The following C1GALT1 variants were observed in gnomAD, a reference collection of about 807,000 sequenced individuals.
The protein encoded by C1GALT1 is core 1 synthase, glycoprotein-N-acetylgalactosamine 3-beta-galactosyltransferase 1, also known as glycoprotein-N-acetylgalactosamine 3-beta-galactosyltransferase 1.
C1GALT1 carries 11 observed loss-of-function variants against 31.0 expected under a neutral mutation model. The ratio of observed to expected loss-of-function variants is 0.36; its 90% CI spans 0.22 to 0.59. C1GALT1 has a LOEUF of 0.59. Ranked by LOEUF, C1GALT1 falls within the 20% of genes least tolerant of loss-of-function variation. C1GALT1 has a pLI of 0.79. For synonymous variants in C1GALT1, 175 were observed against 143.6 expected (o/e 1.22, Z -1.56); for missense variants, 424 against 425.2 (o/e 1.00, Z 0.03).
rs1255646882 is a variant in C1GALT1 at position 7,247,515 on chromosome 7, G to A, written c.*3788G>A. The A allele has an allele frequency of 6.6e-6, 1 of 152,084 alleles. No homozygotes were observed. Among genetic ancestry groups the A allele is most frequent in the Admixed American group, 6.5e-5 (1 of 15,282 alleles). 9.4% of individuals were successfully genotyped at this position (152,084 alleles called of 1,614,324 possible). On this transcript the variant is annotated 3_prime_UTR_variant, in exon 4 of 4. Coordinates refer to ENST00000436587, the MANE Select transcript of C1GALT1 (RefSeq NM_020156.5). ...TTTTTGAATACAGAATTGGATTTGAGCAGTAAATTTGCTAACTGGTTATTT... is the reference window on the plus strand; with the variant it reads ...TTTTTGAATACAGAATTGGATTTGAACAGTAAATTTGCTAACTGGTTATTT...
chr7:7,238,674 G>T lies in C1GALT1; in HGVS notation c.640G>T (p.Val214Leu). 1 of 1,614,094 alleles carries T rather than the reference G, an allele frequency of 6.2e-7. No individual in the cohort carries two copies. The highest frequency in any genetic ancestry group is 8.5e-7 in the Non-Finnish European group (1 of 1,179,960). The change falls in exon 3 of 4, where the codon GTA (valine) becomes TTA (leucine). Residue 214 changes from valine (V) to leucine (L), a missense_variant. Physicochemically the swap from Val to Leu is conservative, Grantham distance 32. Coordinates refer to ENST00000436587, the MANE Select transcript of C1GALT1 (RefSeq NM_020156.5). This position sits in a 1 kb window ranked among gnomAD's most constrained non-coding sequence, Gnocchi z 5.2. ...QGYMSGGAGY[V>L]LSKEALKRFV... Reference sequence around the variant, plus strand: ...CTACATGAGTGGAGGAGCAGGATATGTACTAAGCAAAGAAGCCTTGAAAAG... The same window carrying T: ...CTACATGAGTGGAGGAGCAGGATATTTACTAAGCAAAGAAGCCTTGAAAAG...
chr7:7,221,851 C>T (rs992626446), intron 1 of C1GALT1, among the ~76,000 whole-genome samples: 17 of 152,310 alleles, frequency 1.1e-4, no homozygotes, highest in Non-Finnish European at 1.9e-4. Flanking sequence ...CTCACCATGC[C>T]AGAGCCTGTT....
chr7:7,209,984 C>T (rs909741102), intron 1 of C1GALT1, among the ~76,000 whole-genome samples: 8 of 152,004 alleles, frequency 5.3e-5, no homozygotes, highest in Non-Finnish European at 1.2e-4. Flanking sequence ...AGCTTTTGAG[C>T]CAGGATGAGC....
chr7:7,231,092 T>G (rs1783052611), intron 1 of C1GALT1, among the ~76,000 whole-genome samples: 1 of 152,192 alleles, frequency 6.6e-6, no homozygotes, highest in African/African-American at 2.4e-5. Flanking sequence ...TGAACATGTT[T>G]TTAAGGCTCA....
Position 7,234,477 on chromosome 7 carries a change from A to T in C1GALT1, c.158A>T (p.Asp53Val). The T allele has an allele frequency of 6.2e-7, 1 of 1,613,982 alleles. No homozygotes were observed. The highest frequency in any genetic ancestry group is 1.1e-5 in the South Asian group (1 of 91,076). The change falls in exon 2 of 4, where the codon GAT becomes GTT. Residue 53 changes from aspartate to valine, a missense_variant. Asp to Val is a radical substitution (Grantham distance 152, BLOSUM62 -3). Transcript: ENST00000436587. ...GATCCTCATGCAAGGCATTCAGATG[A>T]TAATGGACAGAATCATCTAGAAGGA... ...HNDPHARHSD[D>V]NGQNHLEGQM...
At position 7,211,208 on chromosome 7, in the gene C1GALT1, A is replaced by G. The variant is rs193252949; in HGVS notation, c.-17-23095A>G. On this transcript the variant is annotated intron_variant, in intron 1 of 3. Transcript: ENST00000436587. ...TTGAGTATACAGGGCCCAGATATCA[A>G]TACAAGACATATAAACAAGAGAAGG... Among the ~76,000 whole-genome samples, 337 of 152,344 alleles carry G rather than the reference A, an allele frequency of 2.2e-3. 2 individuals are homozygous for G. In the Middle Eastern group the frequency reaches 0.027, roughly 12 times the overall value.
chr7:7,209,717 T>A lies in C1GALT1; in HGVS notation c.-17-24586T>A, dbSNP rs560816723. 7.2e-5 allele frequency among the ~76,000 whole-genome samples: 11 copies of A among 152,226 alleles called. No individual in the cohort carries two copies. The South Asian group carries it at 2.1e-3, about 29-fold the overall frequency. ...AGTATAATTTTCTCCCAACCTTGGG[T>A]ATTGTAGAACCTTTCACTCACGTCC... is the stretch of plus-strand genomic sequence containing the variant. On this transcript the variant is annotated intron_variant, in intron 1 of 3. Coordinates refer to ENST00000436587, the MANE Select transcript of C1GALT1 (RefSeq NM_020156.5).
intron 2 of C1GALT1, among the ~76,000 whole-genome samples, chr7:7,236,826 G>T (rs1783379121): frequency 6.6e-6 from 1 of 152,072 alleles, no homozygotes; most frequent in Non-Finnish European, 1.5e-5. Context: ...GCCCAGCTGG[G>T]ACATGAGAAT....
chr7:7,219,849 G>A (rs1022594303), intron 1 of C1GALT1, among the ~76,000 whole-genome samples: 1 of 151,878 alleles, frequency 6.6e-6, no homozygotes, highest in Non-Finnish European at 1.5e-5. Flanking sequence ...TGAAATTGTT[G>A]TATATAAAAT....
At chr7:7,187,657 T>C (rs932120189) in intron 1 of C1GALT1, among the ~76,000 whole-genome samples, 11 of 152,294 alleles carry the variant, frequency 7.2e-5, no homozygotes, top group African/African-American at 1.9e-4. Flanking sequence ...GTTATCCAGC[T>C]CTTAATGTCA....
At chr7:7,202,930 A>C (rs1293800698) in intron 1 of C1GALT1, among the ~76,000 whole-genome samples, 1 of 152,078 alleles carries the variant, frequency 6.6e-6, no homozygotes, top group Non-Finnish European at 1.5e-5. Flanking sequence ...TGTCGTACAG[A>C]TCTTTCACTG....
At chr7:7,243,052 T>C (rs1196073552) in intron 3 of C1GALT1, among the ~76,000 whole-genome samples, 2 of 152,076 alleles carry the variant, frequency 1.3e-5, no homozygotes, top group African/African-American at 4.8e-5. Flanking sequence ...TTGATACATA[T>C]ATAGATGAAG....
intron 1 of C1GALT1, among the ~76,000 whole-genome samples, chr7:7,194,631 T>G (rs1346188848): frequency 6.6e-6 from 1 of 151,034 alleles, no homozygotes; most frequent in Non-Finnish European, 1.5e-5. Flanking sequence ...GCCTGTAGTT[T>G]TCTTTTTTTT....
chr7:7,225,583 T>C (rs997471225), intron 1 of C1GALT1, among the ~76,000 whole-genome samples: 1 of 152,200 alleles, frequency 6.6e-6, no homozygotes, highest in African/African-American at 2.4e-5. Flanking sequence ...GAAAAGCATA[T>C]GGAAAACACT....
intron 2 of C1GALT1, among the ~76,000 whole-genome samples, chr7:7,163,675 GACAA>G (rs778952959): frequency 6.6e-5 from 10 of 152,198 alleles, no homozygotes; most frequent in Non-Finnish European, 7.3e-5. Context: ...ACCAATAACA[GACAA>G]ACAGAGAGCC....
At chr7:7,166,565 G>A (rs1056207917) in intron 2 of C1GALT1, among the ~76,000 whole-genome samples, 4 of 152,140 alleles carry the variant, frequency 2.6e-5, no homozygotes, top group African/African-American at 9.7e-5. Flanking sequence ...CTTGACTGCG[G>A]TGATAGTTTC....
chr7:7,186,750 G>C (rs1244030127), intron 1 of C1GALT1, among the ~76,000 whole-genome samples: 2 of 152,176 alleles, frequency 1.3e-5, no homozygotes, highest in African/African-American at 4.8e-5. Context: ...TGAAGACCCT[G>C]GCACGTTTGA....
At chr7:7,218,894 T>C (rs1353835879) in intron 1 of C1GALT1, among the ~76,000 whole-genome samples, 2 of 151,092 alleles carry the variant, frequency 1.3e-5, no homozygotes, top group African/African-American at 4.9e-5. Flanking sequence ...AGTGCGGTGG[T>C]GCAATCTCGG....
chr7:7,166,342 A>G (rs530903440), intron 2 of C1GALT1, among the ~76,000 whole-genome samples: 2 of 152,348 alleles, frequency 1.3e-5, no homozygotes, highest in South Asian at 4.1e-4. Flanking sequence ...TAAACTATTG[A>G]TAAACATAAC....
Sources: gnomAD v4.1 joint callset for allele counts (sites outside exome capture counted in the v4.1 genomes callset) on GRCh38, gnomAD v4.1.1 for gene constraint, Gnocchi (gnomAD v3.1) non-coding constraint, MANE v1.5 for transcripts, NCBI Gene and HGNC (gene_info 2026-07-23, HGNC 2026-07-21) for gene names.